The following TENT4B variants were observed in gnomAD, a reference collection of about 807,000 sequenced individuals.
TENT4B encodes terminal nucleotidyltransferase 4B.
In TENT4B, 10 loss-of-function variants were observed where a neutral mutation model predicts 75.0. The ratio of observed to expected loss-of-function variants is 0.13; its 90% confidence interval spans 0.08 to 0.23. TENT4B has a LOEUF of 0.23. Among genes scored for constraint, TENT4B ranks in the 10% least tolerant of loss-of-function variants. TENT4B has a pLI of 1.00. For missense variants in TENT4B, 579 were observed against 893.8 expected, an observed-to-expected ratio of 0.65 and a Z score of 4.49; for synonymous variants, 350 against 357.7, an observed-to-expected ratio of 0.98 and a Z score of 0.24.
chr16:50,196,352 G>GGA (rs2030239542), intron 1 of TENT4B, among the ~76,000 whole-genome samples: 1 of 28,466 alleles, frequency 3.5e-5, no homozygotes, highest in Admixed American at 4.5e-4. Context: ...TTAGGAGTGT[G>GGA]AAAAAAAAGA....
chr16:50,222,736 T>C (rs1450945925), intron 6 of TENT4B, among the ~76,000 whole-genome samples: 1 of 152,196 alleles, frequency 6.6e-6, no homozygotes, highest in Non-Finnish European at 1.5e-5. Context: ...ATAGTATAAA[T>C]GCCAACAATA....
intron 1 of TENT4B, among the ~76,000 whole-genome samples, chr16:50,171,918 C>T (rs1393781742): frequency 6.6e-6 from 1 of 151,692 alleles, no homozygotes; most frequent in Non-Finnish European, 1.5e-5. Context: ...TGAGCTAACG[C>T]AGCAGAGGTT....
chr16:50,233,748 T>G lies in TENT4B; in HGVS notation c.*4420T>G. The G allele has an allele frequency of 1.0e-6, 1 of 985,414 alleles. No individual in the cohort carries two copies. Among genetic ancestry groups the G allele is most frequent in the Non-Finnish European group, 1.2e-6 (1 of 829,920 alleles). The allele number at this position is 985,414 out of a possible 1,614,324, so 61.0% of individuals were successfully genotyped here. On this transcript the variant is annotated 3_prime_UTR_variant, in exon 12 of 12. Transcript: ENST00000561678. ...TACTTAAGTGTGTACTTTATTGAGT[T>G]TAACCTTGTCTGTAGCCTAGTAGCC... is the stretch of plus-strand genomic sequence containing the variant.
At position 50,153,964 on chromosome 16, in the gene TENT4B, C is replaced by A. The variant is rs1428945266; in HGVS notation, c.343C>A (p.His115Asn). The A allele has an allele frequency of 5.2e-6, 8 of 1,534,000 alleles. No individual in the cohort carries two copies. Among genetic ancestry groups the A allele is most frequent in the Middle Eastern group, 1.7e-4 (1 of 6,010 alleles). The change falls in exon 1 of 12, where the codon CAC becomes AAC. Residue 115 changes from histidine (H) to asparagine (N), a missense_variant. His to Asn is a moderately conservative substitution (Grantham distance 68, BLOSUM62 1). Around this residue, in one of 7 missense-constraint regions of TENT4B, gnomAD observed 253 missense variants for 270.1 expected, o/e 0.94. Transcript: ENST00000561678. ...PLETTNNNNN[H>N]HQPGAWARRA... ...AGAGACGACCAACAACAACAACAAC[C>A]ACCACCAGCCCGGGGCCTGGGCCCG...
chr16:50,155,556 A>G lies in TENT4B; in HGVS notation c.638+1297A>G, dbSNP rs77815819. ...CTTCCAGTGGGCTGGTGTCTGCTCT[A>G]TGCTACTATTACAACTCCTACCTTT... On this transcript the variant is annotated intron_variant, in intron 1 of 11. Transcript: ENST00000561678. Among the ~76,000 whole-genome samples the G allele has an allele frequency of 5.3e-4, 80 of 152,136 alleles. No homozygotes were observed. In the East Asian group the frequency reaches 9.7e-3, roughly 18 times the overall value.
chr16:50,174,688 A>AT (rs1393039616), intron 1 of TENT4B, among the ~76,000 whole-genome samples: 5 of 140,068 alleles, frequency 3.6e-5, no homozygotes, highest in East Asian at 2.1e-4. Context: ...ACCTGGCTTT[A>AT]TTTTTTTTAC....
chr16:50,171,081 C>T (rs928881393), intron 1 of TENT4B, among the ~76,000 whole-genome samples: 2 of 151,976 alleles, frequency 1.3e-5, no homozygotes, highest in African/African-American at 4.8e-5. Context: ...ACAGGTTTGA[C>T]CCACTGTGCC....
At chr16:50,214,491 A>G (rs1324807926) in intron 3 of TENT4B, among the ~76,000 whole-genome samples, 1 of 152,096 alleles carries the variant, frequency 6.6e-6, no homozygotes, top group Non-Finnish European at 1.5e-5. Flanking sequence ...CCCCATCTCT[A>G]CTAGAAATAC....
intron 1 of TENT4B, among the ~76,000 whole-genome samples, chr16:50,198,245 C>T (rs550132126): frequency 2.6e-5 from 4 of 151,448 alleles, no homozygotes; most frequent in African/African-American, 7.3e-5. Flanking sequence ...GGCAAAACCC[C>T]GTCTCTACAA....
intron 1 of TENT4B, among the ~76,000 whole-genome samples, chr16:50,157,332 G>C (rs1485748671): frequency 1.3e-5 from 2 of 152,120 alleles, no homozygotes; most frequent in Non-Finnish European, 2.9e-5. Flanking sequence ...GATGTTTTTG[G>C]TTTCTCCTCT....
chr16:50,179,822 C>T (rs1465418851), intron 1 of TENT4B, among the ~76,000 whole-genome samples: 1 of 152,136 alleles, frequency 6.6e-6, no homozygotes, highest in Non-Finnish European at 1.5e-5. Flanking sequence ...TCCTAGTGTG[C>T]CTCTAGAATC....
chr16:50,157,666 G>A (rs889740622), intron 1 of TENT4B, among the ~76,000 whole-genome samples: 2 of 151,922 alleles, frequency 1.3e-5, no homozygotes, highest in Admixed American at 6.6e-5. Flanking sequence ...GTGTGATCTC[G>A]GCTCACTGCA....
intron 1 of TENT4B, among the ~76,000 whole-genome samples, chr16:50,183,379 G>A (rs1282293926): frequency 6.6e-6 from 1 of 151,762 alleles, no homozygotes; most frequent in Non-Finnish European, 1.5e-5. Flanking sequence ...AGCGGTTGTG[G>A]GATTTTTGCC....
At chr16:50,168,300 T>G (rs2038141767) in intron 1 of TENT4B, among the ~76,000 whole-genome samples, 1 of 151,960 alleles carries the variant, frequency 6.6e-6, no homozygotes, top group African/African-American at 2.4e-5. Context: ...TATATACAAT[T>G]TCTTTTCTCT....
chr16:50,160,760 T>C (rs908884570), intron 1 of TENT4B, among the ~76,000 whole-genome samples: 1 of 152,194 alleles, frequency 6.6e-6, no homozygotes, highest in Non-Finnish European at 1.5e-5. Flanking sequence ...AAAGTAATTT[T>C]TTTTCCTGTG....
intron 1 of TENT4B, among the ~76,000 whole-genome samples, chr16:50,161,720 CA>C (rs2150669376): frequency 6.6e-6 from 1 of 152,268 alleles, no homozygotes; most frequent in African/African-American, 2.4e-5. Context: ...TTCCCTTCAC[CA>C]AGTTTCACCT....
intron 7 of TENT4B, 32 bp downstream of exon 7, chr16:50,223,419 A>G (rs770809465): frequency 6.8e-7 from 1 of 1,462,204 alleles, no homozygotes; most frequent in Non-Finnish European, 9.4e-7. Flanking sequence ...GTGGGCATTC[A>G]AAGAGAGGGC....
chr16:50,157,490 A>G (rs1397881301), intron 1 of TENT4B, among the ~76,000 whole-genome samples: 1 of 152,234 alleles, frequency 6.6e-6, no homozygotes, highest in Non-Finnish European at 1.5e-5. Flanking sequence ...AGTCTTCAAA[A>G]TAAAACTCTT....
intron 1 of TENT4B, among the ~76,000 whole-genome samples, chr16:50,173,022 A>G (rs1276491168): frequency 6.6e-6 from 1 of 151,288 alleles, no homozygotes; most frequent in Admixed American, 6.6e-5. Flanking sequence ...CTCACTGCAA[A>G]CTCTCCGCCT....
Sources: gnomAD v4.1 joint callset for allele counts (sites outside exome capture counted in the v4.1 genomes callset) on GRCh38, gnomAD v4.1.1 for gene constraint, gnomAD v4.1.1 regional missense constraint, MANE v1.5 for transcripts, NCBI Gene and HGNC (gene_info 2026-07-23, HGNC 2026-07-21) for gene names.